The following COL4A6 variants were observed in gnomAD, a reference collection of about 807,000 sequenced individuals.
COL4A6 encodes the protein collagen alpha-6(IV) chain.
A neutral mutation model predicts 126.7 loss-of-function variants in COL4A6; 59 were observed. That is an observed-to-expected ratio of 0.47 (90% CI 0.38 to 0.58). The LOEUF (loss-of-function observed/expected upper bound fraction) is 0.58. Ranked by LOEUF, COL4A6 falls within the 20% of genes least tolerant of loss-of-function variation. The pLI is 0.00. For synonymous variants in COL4A6, 547 were observed against 496.6 expected, an observed-to-expected ratio of 1.10 and a Z score of -1.35; for missense variants, 1,285 against 1,337.3, an observed-to-expected ratio of 0.96 and a Z score of 0.61.
intron 3 of COL4A6, among the ~76,000 whole-genome samples, chrX:108,290,330 T>A (rs1489987829): frequency 8.9e-6 from 1 of 112,254 alleles, no homozygotes; most frequent in African/African-American, 3.2e-5. Context: ...CAAATGGCCT[T>A]GTCACTTGCT....
intron 2 of COL4A6, among the ~76,000 whole-genome samples, chrX:108,376,071 T>C (rs372301945): frequency 3.6e-5 from 4 of 112,113 alleles, no homozygotes; most frequent in Middle Eastern, 9.1e-3. Flanking sequence ...TTCCTGTATG[T>C]ACCATTTTAT....
chrX:108,213,238 G>A (rs756447963), intron 6 of COL4A6, among the ~76,000 whole-genome samples: 10 of 112,248 alleles, frequency 8.9e-5, no homozygotes, highest in Non-Finnish European at 1.7e-4. Context: ...CATGAATGGA[G>A]TGATTTCTAG....
Position 108,214,244 on chromosome X carries a change from A to G in COL4A6, c.325-16T>C, listed in dbSNP as rs748686727. 1 of 1,118,267 alleles carries G rather than the reference A, an allele frequency of 8.9e-7. No individual in the cohort carries two copies. 92.2% of individuals were successfully genotyped at this position (1,118,267 alleles called of 1,213,427 possible). ...CAGGGTGGCCCTGTTCAAAGAGAAA[A>G]GAAGGGATCAAGTTAGCCAAAGGAC... On this transcript the variant is annotated splice_polypyrimidine_tract_variant and intron_variant, in intron 5 of 44. Coordinates refer to ENST00000334504, the MANE Select transcript of COL4A6 (RefSeq NM_033641.4).
chrX:108,220,231 C>T (rs1450857920), intron 4 of COL4A6, among the ~76,000 whole-genome samples: 1 of 112,314 alleles, frequency 8.9e-6, no homozygotes, highest in Non-Finnish European at 1.9e-5. Flanking sequence ...GGGCACCCTG[C>T]CCTACTGATA....
At chrX:108,414,350 G>C (rs2041391138) in intron 2 of COL4A6, among the ~76,000 whole-genome samples, 1 of 111,424 alleles carries the variant, frequency 9.0e-6, no homozygotes, top group Non-Finnish European at 1.9e-5. Context: ...CATGTCCTTG[G>C]CTATGAACTG....
intron 3 of COL4A6, among the ~76,000 whole-genome samples, chrX:108,278,866 T>C (rs370920843): frequency 1.8e-5 from 2 of 110,347 alleles, no homozygotes; most frequent in Non-Finnish European, 3.8e-5. Context: ...GAATTTTCAA[T>C]CCAGAATTTC....
At chrX:108,236,571 G>A (rs1403443592) in intron 3 of COL4A6, among the ~76,000 whole-genome samples, 18 of 111,476 alleles carry the variant, frequency 1.6e-4, no homozygotes, top group Non-Finnish European at 1.7e-4. Flanking sequence ...ATGCTCTGGA[G>A]TGCCTGATAC....
At chrX:108,286,363 A>G (rs1323035497) in intron 3 of COL4A6, among the ~76,000 whole-genome samples, 1 of 112,358 alleles carries the variant, frequency 8.9e-6, no homozygotes, top group Non-Finnish European at 1.9e-5. Context: ...CCTCTTCTGC[A>G]CTATGAGCAG....
In COL4A6 at chrX:108,159,686, C is replaced by T. The variant is rs2033857229; in HGVS notation, c.4588G>A (p.Glu1530Lys). 15 of 1,210,204 alleles carry T rather than the reference C, an allele frequency of 1.2e-5. No homozygotes were observed. The highest frequency in any genetic ancestry group is 3.5e-5 in the African/African-American group (2 of 57,206). Reference protein sequence around the residue: ...TMPFIYCNINEVCHYARRNDK... With the variant: ...TMPFIYCNINKVCHYARRNDK... Reference sequence around the variant, plus strand: ...TTGCGCCTGGCATAGTGGCACACCTCGTTGATGTTGCAGTAGATGAAGGGC... The same window carrying T: ...TTGCGCCTGGCATAGTGGCACACCTTGTTGATGTTGCAGTAGATGAAGGGC... Residue 1530 changes from glutamate (E) to lysine (K), a missense_variant, in exon 44 of 45, where the codon GAG (glutamate) becomes AAG (lysine). Transcript: ENST00000334504.
rs1354910321 is a variant in COL4A6, at chrX:108,193,624, G to T, written c.1072+4C>A. 1 of 1,196,953 alleles carries T rather than the reference G, an allele frequency of 8.4e-7. No homozygotes were observed. Among genetic ancestry groups the T allele is most frequent in the Admixed American group, 2.2e-5 (1 of 45,633 alleles). On this transcript the variant is annotated splice_donor_region_variant and intron_variant, in intron 17 of 44. Transcript: ENST00000334504. ...TTTCCACTCAAATTAATGAGAAGTT[G>T]CACCTGAGATCACAGCACCATCTAT...
chrX:108,338,833 T>C (rs926157011), intron 2 of COL4A6, among the ~76,000 whole-genome samples: 131 of 112,242 alleles, frequency 1.2e-3, no homozygotes, highest in African/African-American at 4.1e-3. Context: ...AAATAACAGC[T>C]GAAAGCTTAA....
At chrX:108,404,695 A>C (rs186514410) in intron 2 of COL4A6, among the ~76,000 whole-genome samples, 104 of 111,793 alleles carry the variant, frequency 9.3e-4, no homozygotes, top group Admixed American at 4.9e-3. Context: ...TCATGTACTC[A>C]ATACCTCATC....
chrX:108,183,706 C>G (rs766404002), intron 23 of COL4A6: 1 of 922,635 alleles, frequency 1.1e-6, no homozygotes, highest in South Asian at 6.1e-5. Context: ...AGCTTGTAGA[C>G]CTAGCTAGCT....
intron 2 of COL4A6, among the ~76,000 whole-genome samples, chrX:108,404,696 A>G (rs940909634): frequency 2.7e-5 from 3 of 111,744 alleles, no homozygotes; most frequent in Non-Finnish European, 5.6e-5. Context: ...CATGTACTCA[A>G]TACCTCATCT....
At chrX:108,433,217 G>A (rs1053026209) in intron 2 of COL4A6, among the ~76,000 whole-genome samples, 3 of 112,026 alleles carry the variant, frequency 2.7e-5, no homozygotes, top group Non-Finnish European at 5.6e-5. Context: ...GAAACCCTAG[G>A]AAAGGGATAG....
In COL4A6 at chrX:108,204,385, C is replaced by T. The variant is rs2035481104; in HGVS notation, c.715G>A (p.Gly239Arg). ...AGCTCTCCAGTAGATGGTGGAGGTC[C>T]TGCTGGGCCAGGGAGGCCAACATCC... is the stretch of plus-strand genomic sequence containing the variant. ...KGDVGLPGPA[G>R]PPPSTGELEF... Residue 239 changes from glycine (G) to arginine (R), a missense_variant, in exon 12 of 45, where the codon GGA (glycine) becomes AGA (arginine). By Grantham distance (125) the Gly-to-Arg change is moderately radical. Coordinates refer to ENST00000334504, the MANE Select transcript of COL4A6 (RefSeq NM_033641.4). 2.5e-6 allele frequency: 3 copies of T among 1,204,887 alleles called. No individual in the cohort carries two copies. The highest frequency in any genetic ancestry group is 3.4e-6 in the Non-Finnish European group (3 of 892,167).
At chrX:108,230,370 C>G (rs1486709694) in intron 3 of COL4A6, among the ~76,000 whole-genome samples, 1 of 111,738 alleles carries the variant, frequency 8.9e-6, no homozygotes, top group Admixed American at 9.4e-5. Context: ...TTGCTAGGAG[C>G]AAAATGGAAT....
At chrX:108,241,514 TAATA>T (rs1188451671) in intron 3 of COL4A6, among the ~76,000 whole-genome samples, 1 of 104,192 alleles carries the variant, frequency 9.6e-6, no homozygotes, top group Non-Finnish European at 1.9e-5. Flanking sequence ...TATTCATATA[TAATA>T]AATATACATA....
At chrX:108,197,740 TG>T (rs1458675216) in intron 13 of COL4A6, among the ~76,000 whole-genome samples, 1 of 105,295 alleles carries the variant, frequency 9.5e-6, no homozygotes, top group Non-Finnish European at 1.9e-5. Context: ...TTCTTTAATG[TG>T]GGTTGTTTTC....
Sources: gnomAD v4.1 joint callset for allele counts (sites outside exome capture counted in the v4.1 genomes callset) on GRCh38, gnomAD v4.1.1 for gene constraint, MANE v1.5 for transcripts, NCBI Gene and HGNC (gene_info 2026-07-23, HGNC 2026-07-21) for gene names.